The following PPFIA2 variants were observed in gnomAD, a reference collection of about 807,000 sequenced individuals.
PPFIA2 encodes liprin-alpha-2.
PPFIA2 carries 46 observed loss-of-function variants against 175.5 expected under a neutral mutation model. That is an observed-to-expected ratio of 0.26 (90% CI 0.21 to 0.34). The LOEUF (loss-of-function observed/expected upper bound fraction) is 0.34, where lower values mean the gene tolerates loss of function less well. Ranked by LOEUF, PPFIA2 falls within the 10% of genes least tolerant of loss-of-function variation. The pLI is 1.00. For synonymous variants in PPFIA2, 568 were observed against 511.4 expected (o/e 1.11, Z -1.49); for missense variants, 1,179 against 1,506.1 (o/e 0.78, Z 3.60).
chr12:81,621,503 T>C (rs2062038629), intron 4 of PPFIA2, among the ~76,000 whole-genome samples: 1 of 152,230 alleles, frequency 6.6e-6, no homozygotes, highest in Non-Finnish European at 1.5e-5. Context: ...AGGATCATTT[T>C]AGCTTTTGGA....
intron 4 of PPFIA2, among the ~76,000 whole-genome samples, chr12:81,638,914 C>T (rs1239655372): frequency 2.0e-5 from 3 of 151,566 alleles, no homozygotes; most frequent in Non-Finnish European, 4.4e-5. Flanking sequence ...GTCTCGATCT[C>T]CTGACCTCGT....
intron 3 of PPFIA2, among the ~76,000 whole-genome samples, chr12:81,714,471 A>G (rs2078334427): frequency 6.6e-6 from 1 of 151,156 alleles, no homozygotes; most frequent in East Asian, 2.0e-4. Flanking sequence ...TTAATGTCAA[A>G]GGAAGATATT....
At chr12:81,708,218 A>G (rs181186128) in intron 3 of PPFIA2, among the ~76,000 whole-genome samples, 146 of 152,232 alleles carry the variant, frequency 9.6e-4, no homozygotes, top group African/African-American at 3.2e-3. Flanking sequence ...TAGAAAAAAA[A>G]AGAAATGTAT....
At position 81,293,257 on chromosome 12, in the gene PPFIA2, CAAAT is replaced by C. The variant is rs1200478610; in HGVS notation, c.2925+1574_2925+1577del. ...ATATATAATTTAGGAATGGAATAAACAAATAATTAAATACTATTTGGGAGTTTTT... is the reference window on the plus strand; with the variant it reads ...ATATATAATTTAGGAATGGAATAAACAATTAAATACTATTTGGGAGTTTTT... On this transcript the variant is annotated intron_variant, in intron 24 of 32. Transcript: ENST00000549396. 4.0e-5 allele frequency among the ~76,000 whole-genome samples: 6 copies of C among 151,402 alleles called. No homozygotes were observed. The Admixed American group carries it at 4.0e-4, about 10-fold the overall frequency.
chr12:81,488,895 T>C (rs1398469720), intron 4 of PPFIA2, among the ~76,000 whole-genome samples: 1 of 151,842 alleles, frequency 6.6e-6, no homozygotes, highest in Non-Finnish European at 1.5e-5. Flanking sequence ...AGGGTCTTAA[T>C]GTGTTAGAAT....
intron 4 of PPFIA2, among the ~76,000 whole-genome samples, chr12:81,464,665 G>T (rs1454520665): frequency 6.6e-6 from 1 of 152,080 alleles, no homozygotes; most frequent in Non-Finnish European, 1.5e-5. Flanking sequence ...GATTCACTCA[G>T]TTCTTGTGCC....
chr12:81,680,794 C>T (rs2073473897), intron 3 of PPFIA2, among the ~76,000 whole-genome samples: 1 of 151,958 alleles, frequency 6.6e-6, no homozygotes, highest in African/African-American at 2.4e-5. Flanking sequence ...TTGACCCATC[C>T]AGTTCAGTGT....
At chr12:81,694,034 G>C (rs1487681282) in intron 3 of PPFIA2, among the ~76,000 whole-genome samples, 7 of 150,396 alleles carry the variant, frequency 4.7e-5, no homozygotes, top group Non-Finnish European at 1.0e-4. Context: ...CAGATACAGG[G>C]GCAAAAAAAA....
At chr12:81,427,874 G>T (rs2047420954) in intron 7 of PPFIA2, among the ~76,000 whole-genome samples, 1 of 151,926 alleles carries the variant, frequency 6.6e-6, no homozygotes, top group Non-Finnish European at 1.5e-5. Context: ...TTTCATGGAT[G>T]AAAAAGAATG....
At chr12:81,606,356 G>A (rs1049356397) in intron 4 of PPFIA2, among the ~76,000 whole-genome samples, 1 of 151,980 alleles carries the variant, frequency 6.6e-6, no homozygotes, top group African/African-American at 2.4e-5. Context: ...TGGCTAGGTT[G>A]AATTGTAGCT....
chr12:81,595,716 T>G (rs767379466), intron 4 of PPFIA2, among the ~76,000 whole-genome samples: 2 of 152,186 alleles, frequency 1.3e-5, no homozygotes, highest in Non-Finnish European at 2.9e-5. Flanking sequence ...AACTTCTTAT[T>G]TGTTGCCTTT....
intron 3 of PPFIA2, among the ~76,000 whole-genome samples, chr12:81,691,619 T>C (rs1485744902): frequency 6.6e-6 from 1 of 152,136 alleles, no homozygotes; most frequent in Admixed American, 6.6e-5. Context: ...TGCAAACTCA[T>C]TAGGAGGAAG....
intron 4 of PPFIA2, among the ~76,000 whole-genome samples, chr12:81,648,053 C>T (rs2066442761): frequency 6.7e-6 from 1 of 148,646 alleles, no homozygotes; most frequent in Non-Finnish European, 1.5e-5. Flanking sequence ...TAATTTTATC[C>T]AGAATTACAG....
At chr12:81,637,969 C>G (rs1168461067) in intron 4 of PPFIA2, among the ~76,000 whole-genome samples, 1 of 152,104 alleles carries the variant, frequency 6.6e-6, no homozygotes, top group Admixed American at 6.6e-5. Context: ...TCCCTTTCCA[C>G]GAGCTATACG....
chr12:81,363,271 TA>T lies in PPFIA2; in HGVS notation c.1546-488del, dbSNP rs1349602684. Among the ~76,000 whole-genome samples, 59 of 151,110 alleles carry T rather than the reference TA, an allele frequency of 3.9e-4. 1 individual carries two copies. The East Asian group carries it at 4.7e-3, about 12-fold the overall frequency. The stretch of plus-strand genomic sequence containing the variant: ...ATAGGCAACAATTGGAGGATTTTTT[TA>T]AAAAATATTAATTAATTAATTAATT... On this transcript the variant is annotated intron_variant, in intron 14 of 32. Coordinates refer to ENST00000549396, the MANE Select transcript of PPFIA2 (RefSeq NM_003625.5).
At chr12:81,680,432 A>C (rs1301276185) in intron 3 of PPFIA2, among the ~76,000 whole-genome samples, 1 of 151,846 alleles carries the variant, frequency 6.6e-6, no homozygotes, top group Non-Finnish European at 1.5e-5. Flanking sequence ...TATACATAGG[A>C]CTCCAAACCT....
intron 4 of PPFIA2, among the ~76,000 whole-genome samples, chr12:81,625,746 T>C (rs1174806971): frequency 3.0e-4 from 45 of 151,004 alleles, no homozygotes; most frequent in Admixed American, 3.0e-3. Context: ...ATATTACCTC[T>C]GCTACCCTCC....
chr12:81,673,284 A>T (rs2071786956), intron 4 of PPFIA2, among the ~76,000 whole-genome samples: 1 of 152,058 alleles, frequency 6.6e-6, no homozygotes, highest in Admixed American at 6.6e-5. Context: ...AACAGAGTTC[A>T]TGCATTGCAC....
At chr12:81,683,592 C>T (rs1341254320) in intron 3 of PPFIA2, among the ~76,000 whole-genome samples, 3 of 151,942 alleles carry the variant, frequency 2.0e-5, no homozygotes, top group African/African-American at 7.2e-5. Flanking sequence ...ATATCTTTTG[C>T]CGTTCTCCCT....
Sources: gnomAD v4.1 joint callset for allele counts (sites outside exome capture counted in the v4.1 genomes callset) on GRCh38, gnomAD v4.1.1 for gene constraint, MANE v1.5 for transcripts, NCBI Gene and HGNC (gene_info 2026-07-23, HGNC 2026-07-21) for gene names.